Variants in DSCAML1 observed in about 807,000 individuals in gnomAD.
The protein encoded by DSCAML1 is DS cell adhesion molecule like 1.
In DSCAML1, 38 loss-of-function variants were observed where a neutral mutation model predicts 200.5. That is an observed-to-expected ratio of 0.19 (90% CI 0.15 to 0.25). The LOEUF (loss-of-function observed/expected upper bound fraction) is 0.25, where lower values mean the gene tolerates loss of function less well. Among genes scored for constraint, DSCAML1 ranks in the 10% least tolerant of loss-of-function variants. The pLI, the probability that DSCAML1 is intolerant of heterozygous loss-of-function variation, is 1.00. For missense variants in DSCAML1, 2,223 were observed against 2,858.8 expected, an observed-to-expected ratio of 0.78 and a Z score of 5.07; for synonymous variants, 1,215 against 1,165.0, an observed-to-expected ratio of 1.04 and a Z score of -0.87.
chr11:117,701,607 G>A (rs1002021736), intron 3 of DSCAML1, among the ~76,000 whole-genome samples: 1 of 152,204 alleles, frequency 6.6e-6, no homozygotes, highest in Non-Finnish European at 1.5e-5. Flanking sequence ...GAAAGCCAGC[G>A]CGGGGTGGGG....
Position 117,713,602 on chromosome 11 carries a change from T to C in DSCAML1, c.511+63189A>G, listed in dbSNP as rs533128248. ...CAGAGCCATTTGAGCTGATTTATAA[T>C]GGTTATAAAAGAGGTCAGAGCTTGA... is the stretch of plus-strand genomic sequence containing the variant. On this transcript the variant is annotated intron_variant, in intron 3 of 32. Transcript: ENST00000651296. Among the ~76,000 whole-genome samples, 208 of 152,300 alleles carry C rather than the reference T, an allele frequency of 1.4e-3. 1 individual carries two copies. Among genetic ancestry groups the C allele is most frequent in the African/African-American group, 4.8e-3 (199 of 41,556 alleles).
intron 15 of DSCAML1, among the ~76,000 whole-genome samples, chr11:117,470,268 G>A (rs1339030629): frequency 6.6e-6 from 1 of 152,214 alleles, no homozygotes; most frequent in African/African-American, 2.4e-5. Flanking sequence ...AGAGTATGAA[G>A]TGTCTGCTTC....
rs371512047 is a variant in DSCAML1 at position 117,439,407 on chromosome 11, A to G, written c.4003T>C (p.Ser1335Pro). ...TGGATGAGCCGGTGCCCATCCATGG[A>G]CACTGGAATGGCCGAGTCTTCACTG... is the stretch of plus-strand genomic sequence containing the variant. The part of the protein sequence containing the change: ...KDSEDSAIPV[S>P]MDGHRLIHTN... The change falls in exon 23 of 33, where the codon TCC becomes CCC. Residue 1335 changes from serine to proline, a missense_variant. Transcript: ENST00000651296. The G allele has an allele frequency of 1.2e-4, 192 of 1,613,216 alleles. No homozygotes were observed. Among genetic ancestry groups the G allele is most frequent in the Non-Finnish European group, 1.5e-4 (181 of 1,179,894 alleles).
intron 3 of DSCAML1, among the ~76,000 whole-genome samples, chr11:117,725,845 A>T (rs1254411271): frequency 1.5e-5 from 2 of 132,172 alleles, no homozygotes; most frequent in Admixed American, 1.4e-4. Flanking sequence ...AAACAAAACA[A>T]AACAAAAAGG....
intron 3 of DSCAML1, among the ~76,000 whole-genome samples, chr11:117,661,759 C>T (rs1488704271): frequency 1.3e-5 from 2 of 152,184 alleles, no homozygotes; most frequent in Admixed American, 6.5e-5. Flanking sequence ...TGCTAATGAG[C>T]AGCTTTTTCC....
chr11:117,728,854 C>T (rs1174379025), intron 3 of DSCAML1, among the ~76,000 whole-genome samples: 1 of 152,142 alleles, frequency 6.6e-6, no homozygotes, highest in African/African-American at 2.4e-5. Flanking sequence ...TGTAAGATGG[C>T]AGTACTCCCC....
chr11:117,587,548 G>A (rs763041737), intron 3 of DSCAML1, among the ~76,000 whole-genome samples: 2 of 152,064 alleles, frequency 1.3e-5, no homozygotes, highest in Non-Finnish European at 2.9e-5. Flanking sequence ...CTCCAGACGC[G>A]GGGACTGCCC....
chr11:117,512,637 C>CGT (rs139663144), intron 8 of DSCAML1, among the ~76,000 whole-genome samples: 47,981 of 140,078 alleles, frequency 0.34, 8,346 homozygotes, highest in African/African-American at 0.4. Context: ...TGCATGCAAG[C>CGT]GTGTGTACAC....
In DSCAML1 at chr11:117,435,865, T is replaced by A. The variant is rs1028572977; in HGVS notation, c.4721-66A>T. The A allele has an allele frequency of 2.6e-6, 4 of 1,529,850 alleles. No homozygotes were observed. The Admixed American group carries it at 7.0e-5, about 27-fold the overall frequency. 94.8% of individuals were successfully genotyped at this position (1,529,850 alleles called of 1,614,324 possible). A position where few individuals can be genotyped will look rare whatever the true frequency, so the allele number is the denominator to read the frequency against. On this transcript the variant is annotated intron_variant, in intron 26 of 32. Coordinates refer to ENST00000651296, the MANE Select transcript of DSCAML1 (RefSeq NM_020693.4). Reference sequence around the variant, plus strand: ...GCCAGGTGCTGTGCAGAACATCTCATGGGTGGGGCAGTCCTCTGACCTCTC... The same window carrying A: ...GCCAGGTGCTGTGCAGAACATCTCAAGGGTGGGGCAGTCCTCTGACCTCTC...
chr11:117,510,154 G>A (rs746879183), intron 8 of DSCAML1, among the ~76,000 whole-genome samples: 46 of 152,234 alleles, frequency 3.0e-4, no homozygotes, highest in Non-Finnish European at 5.3e-4. Context: ...CACCAGCCCA[G>A]CTCAGAAACA....
chr11:117,444,133 G>C, intron 20 of DSCAML1, 94 bp from the exon 21 acceptor site: 2 of 1,412,470 alleles, frequency 1.4e-6, no homozygotes, highest in Middle Eastern at 2.5e-4. Flanking sequence ...AGGAGAGGAT[G>C]GCGGGGTCGG....
intron 3 of DSCAML1, among the ~76,000 whole-genome samples, chr11:117,727,280 C>A (rs10790202): frequency 0.79 from 120,751 of 152,098 alleles, 51,250 homozygotes; most frequent in Non-Finnish European, 0.94. Context: ...TAATTAGTCC[C>A]GTGAATCACT....
Position 117,532,430 on chromosome 11 carries a change from G to T in DSCAML1, c.604C>A (p.His202Asn). 6.2e-7 allele frequency: 1 copy of T among 1,614,196 alleles called. No homozygotes were observed. The highest frequency in any genetic ancestry group is 8.5e-7 in the Non-Finnish European group (1 of 1,180,030). ...ALSTYRCITK[H>N]KYSGETRQSN... is the part of the protein sequence containing the mutation. ...TGCCGGGTCTCCCCGCTATACTTGT[G>T]CTTGGTGATGCAGCGATAGGTGGAG... The change falls in exon 4 of 33, where the codon CAC becomes AAC. Residue 202 changes from histidine (H) to asparagine (N), a missense_variant. Physicochemically the swap from His to Asn is moderately conservative, Grantham distance 68. This residue lies in a region of DSCAML1 where 579 missense variants were observed against 721.5 expected (regional missense o/e 0.80). Coordinates refer to ENST00000651296, the MANE Select transcript of DSCAML1 (RefSeq NM_020693.4).
intron 3 of DSCAML1, among the ~76,000 whole-genome samples, chr11:117,714,466 C>A (rs1290727890): frequency 1.3e-5 from 2 of 152,128 alleles, no homozygotes; most frequent in Non-Finnish European, 2.9e-5. Context: ...CTCCAGAGGT[C>A]ATCGAGTTCA....
At chr11:117,808,976 G>A (rs1456725076) in intron 1 of DSCAML1, among the ~76,000 whole-genome samples, 1 of 152,168 alleles carries the variant, frequency 6.6e-6, no homozygotes, top group Non-Finnish European at 1.5e-5. Context: ...CCCCAGGGCT[G>A]CCCAGGTGGT....
intron 4 of DSCAML1, 69 bp downstream of exon 4, chr11:117,532,307 A>C: frequency 6.5e-7 from 1 of 1,533,222 alleles, no homozygotes; most frequent in Non-Finnish European, 8.8e-7. Context: ...GGGGCGTGCC[A>C]AGTTCCAGGG....
intron 14 of DSCAML1, among the ~76,000 whole-genome samples, chr11:117,479,675 G>T (rs1432288478): frequency 6.6e-6 from 1 of 151,972 alleles, no homozygotes; most frequent in Non-Finnish European, 1.5e-5. Flanking sequence ...TTGAGACAGA[G>T]TCTCACTCTG....
intron 3 of DSCAML1, among the ~76,000 whole-genome samples, chr11:117,715,021 A>G (rs2053926172): frequency 6.6e-6 from 1 of 152,096 alleles, no homozygotes; most frequent in South Asian, 2.1e-4. Flanking sequence ...GAGGAAGAGG[A>G]AGTACAGTGC....
At chr11:117,523,808 G>A (rs964817311) in intron 5 of DSCAML1, among the ~76,000 whole-genome samples, 3 of 152,170 alleles carry the variant, frequency 2.0e-5, no homozygotes, top group Admixed American at 6.5e-5. Context: ...ACCTCTGGAC[G>A]TTCTCTTTCC....
Sources: allele counts gnomAD v4.1 joint callset (sites outside exome capture counted in the v4.1 genomes callset), GRCh38; gene constraint gnomAD v4.1.1; regional missense constraint gnomAD v4.1.1; transcripts MANE v1.5; gene names NCBI Gene and HGNC (gene_info 2026-07-23, HGNC 2026-07-21).